EPM2A: variants seen among roughly 807,000 people sequenced by gnomAD.
EPM2A encodes the protein laforin.
A neutral mutation model predicts 26.5 loss-of-function variants in EPM2A; 21 were observed. The observed-to-expected ratio is 0.79, with a 90% CI of 0.56 to 1.14. The LOEUF is 1.14. Ranked by LOEUF, EPM2A falls within the 50% of genes most tolerant of loss-of-function variation. EPM2A has a pLI of 0.00. For synonymous variants in EPM2A, 217 were observed against 177.6 expected (o/e 1.22, Z -1.76); for missense variants, 458 against 440.8 (o/e 1.04, Z -0.35).
chr6:145,429,228 C>T (rs1778890795), intron 4 of EPM2A, among the ~76,000 whole-genome samples: 1 of 152,156 alleles, frequency 6.6e-6, no homozygotes, highest in Admixed American at 6.5e-5. Context: ...TTCACCTTAA[C>T]CATCCAATCT....
chr6:145,481,458 C>T (rs757609179), intron 4 of EPM2A, among the ~76,000 whole-genome samples: 23 of 152,000 alleles, frequency 1.5e-4, no homozygotes, highest in Non-Finnish European at 2.2e-4. Flanking sequence ...AAAGCATTAC[C>T]GGTAGCTGCC....
chr6:145,720,492 A>C (rs151098189), intron 1 of EPM2A, among the ~76,000 whole-genome samples: 36 of 152,310 alleles, frequency 2.4e-4, no homozygotes, highest in African/African-American at 8.7e-4. Flanking sequence ...TTACCTCAGA[A>C]GTCCATGGGT....
intron 1 of EPM2A, among the ~76,000 whole-genome samples, chr6:145,731,553 C>A (rs1053594856): frequency 1.3e-5 from 2 of 152,102 alleles, no homozygotes; most frequent in Non-Finnish European, 2.9e-5. Flanking sequence ...CATGTTCTCA[C>A]TCATAAGTGG....
At chr6:145,407,237 T>C (rs929784573) in intron 4 of EPM2A, among the ~76,000 whole-genome samples, 1 of 152,100 alleles carries the variant, frequency 6.6e-6, no homozygotes, top group Non-Finnish European at 1.5e-5. Context: ...TGATATATGT[T>C]GGGACAAAAG....
intron 4 of EPM2A, among the ~76,000 whole-genome samples, chr6:145,456,029 C>T (rs1779258123): frequency 6.6e-6 from 1 of 152,124 alleles, no homozygotes; most frequent in African/African-American, 2.4e-5. Context: ...TAGCAAATTA[C>T]TGCGATTTTT....
chr6:145,734,965 C>A (rs545112548), intron 1 of EPM2A: 3 of 303,656 alleles, frequency 9.9e-6, no homozygotes, highest in Non-Finnish European at 1.8e-5. Flanking sequence ...CGGCCGGGAG[C>A]GCTATACGGG....
chr6:145,668,915 T>C (rs1375110797), intron 2 of EPM2A, among the ~76,000 whole-genome samples: 1 of 152,118 alleles, frequency 6.6e-6, no homozygotes, highest in Non-Finnish European at 1.5e-5. Context: ...GGATAGAAAA[T>C]AATTCTTTCA....
At chr6:145,391,485 G>A (rs1341885921) in intron 4 of EPM2A, among the ~76,000 whole-genome samples, 1 of 152,138 alleles carries the variant, frequency 6.6e-6, no homozygotes, top group African/African-American at 2.4e-5. Flanking sequence ...CATGAGACAT[G>A]TAATGTACAT....
chr6:145,575,938 T>A (rs1302536345), intron 2 of EPM2A, among the ~76,000 whole-genome samples: 1 of 152,162 alleles, frequency 6.6e-6, no homozygotes, highest in African/African-American at 2.4e-5. Flanking sequence ...TTGATTCAAG[T>A]GATTATCCTG....
intron 4 of EPM2A, chr6:145,489,893 C>T (rs757538127): frequency 1.6e-4 from 212 of 1,358,984 alleles, no homozygotes; most frequent in Non-Finnish European, 2.2e-4. Flanking sequence ...ACGTGTACTT[C>T]AGTACCTTCT....
intron 1 of EPM2A, among the ~76,000 whole-genome samples, chr6:145,687,308 C>T (rs1780991781): frequency 6.6e-6 from 1 of 151,426 alleles, no homozygotes; most frequent in East Asian, 1.9e-4. Context: ...AGTAAGTGAG[C>T]CCTCACCAAT....
downstream of EPM2A, among the ~76,000 whole-genome samples, chr6:145,500,546 T>A (rs1297900848): frequency 6.6e-6 from 1 of 152,090 alleles, no homozygotes; most frequent in Non-Finnish European, 1.5e-5. Context: ...TCTATCCCCA[T>A]CAGTAGACAA....
rs561048856 is a variant in EPM2A, at chr6:145,578,873, G to A, written c.340+56372C>T. The stretch of plus-strand genomic sequence containing the variant: ...CAGGCAAAAGCAGGAGAAGAAGGGC[G>A]TCTCAGCTCCAGAAGAAAAAATAAT... On this transcript the variant is annotated intron_variant, in intron 2 of 3. Transcript: ENST00000450221. Among the ~76,000 whole-genome samples the A allele has an allele frequency of 1.2e-3, 179 of 152,134 alleles. 1 individual carries two copies. Among genetic ancestry groups the A allele is most frequent in the Non-Finnish European group, 1.9e-3 (132 of 68,016 alleles).
chr6:145,540,427 T>A (rs1780490717), intron 2 of EPM2A, among the ~76,000 whole-genome samples: 1 of 152,148 alleles, frequency 6.6e-6, no homozygotes, highest in Non-Finnish European at 1.5e-5. Context: ...TATCTTTGCT[T>A]CCCCTCAGCA....
chr6:145,636,619 G>C (rs1364043237), intron 2 of EPM2A: 5 of 151,742 alleles, frequency 3.3e-5, no homozygotes, highest in African/African-American at 1.2e-4. Context: ...ACAGCCAAAA[G>C]GAAAAATGTA....
Position 145,686,115 on chromosome 6 carries a change from T to A in EPM2A, c.476+7A>T. 1 of 1,612,046 alleles carries A rather than the reference T, an allele frequency of 6.2e-7. No individual in the cohort carries two copies. Among genetic ancestry groups the A allele is most frequent in the Non-Finnish European group, 8.5e-7 (1 of 1,178,242 alleles). On this transcript the variant is annotated splice_region_variant and intron_variant, in intron 2 of 3. Coordinates refer to ENST00000367519, the MANE Select transcript of EPM2A (RefSeq NM_005670.4). ...TTCTATGCCTATAAATATAGCACTA[T>A]TTTTACCTTGAATAATGCATGGCTT...
At chr6:145,454,256 A>G (rs1008195345) in intron 4 of EPM2A, among the ~76,000 whole-genome samples, 5 of 152,232 alleles carry the variant, frequency 3.3e-5, no homozygotes, top group African/African-American at 9.6e-5. Context: ...TGGAAAAAAT[A>G]TTTTAAAATG....
intron 2 of EPM2A, chr6:145,638,041 T>C (rs1223028556): frequency 1.3e-5 from 2 of 152,124 alleles, no homozygotes; most frequent in African/African-American, 4.8e-5. Flanking sequence ...AGACAGTAAT[T>C]TTTATTTGTT....
chr6:145,552,404 C>T (rs1341391682), intron 2 of EPM2A, among the ~76,000 whole-genome samples: 1 of 151,974 alleles, frequency 6.6e-6, no homozygotes, highest in African/African-American at 2.4e-5. Context: ...TCTGACTTAA[C>T]ATCAGAAAGA....
Sources: allele counts gnomAD v4.1 joint callset (sites outside exome capture counted in the v4.1 genomes callset), GRCh38; gene constraint gnomAD v4.1.1; transcripts MANE v1.5; gene names NCBI Gene and HGNC (gene_info 2026-07-23, HGNC 2026-07-21).